Variants in IMMP2L observed in about 807,000 individuals in gnomAD.
The protein encoded by IMMP2L is mitochondrial inner membrane protease subunit 2.
Under a neutral mutation model 19.3 loss-of-function variants are expected in IMMP2L, and 18 were observed. The observed-to-expected ratio is 0.93, with a 90% CI of 0.64 to 1.38. The LOEUF (loss-of-function observed/expected upper bound fraction) is 1.38, where lower values mean the gene tolerates loss of function less well. Among genes scored for constraint, IMMP2L ranks in the 40% most tolerant of loss-of-function variants. The pLI, the probability that IMMP2L is intolerant of heterozygous loss-of-function variation, is 0.00. For missense variants in IMMP2L, 233 were observed against 218.2 expected (o/e 1.07, Z -0.43); for synonymous variants, 76 against 73.0 (o/e 1.04, Z -0.21).
chr7:111,548,760 G>A (rs1585641812), intron 1 of IMMP2L, among the ~76,000 whole-genome samples: 1 of 151,962 alleles, frequency 6.6e-6, no homozygotes, highest in Non-Finnish European at 1.5e-5. Context: ...CCTCCCTCAG[G>A]AATTTAACTT....
chr7:111,102,567 A>C (rs1245295167), intron 3 of IMMP2L, among the ~76,000 whole-genome samples: 17 of 151,600 alleles, frequency 1.1e-4, no homozygotes. Flanking sequence ...TAGCTGAAGC[A>C]TTATTTTGTT....
chr7:111,481,703 G>C (rs1842205399), intron 3 of IMMP2L, among the ~76,000 whole-genome samples: 2 of 151,632 alleles, frequency 1.3e-5, no homozygotes, highest in African/African-American at 4.9e-5. Flanking sequence ...CCTATCTTTA[G>C]AAGTCTACCT....
At chr7:110,668,039 C>T (rs932917323) in intron 5 of IMMP2L, among the ~76,000 whole-genome samples, 10 of 152,002 alleles carry the variant, frequency 6.6e-5, no homozygotes, top group African/African-American at 2.4e-4. Context: ...TCTTGTGCAC[C>T]TTGCTTTTAC....
intron 4 of IMMP2L, among the ~76,000 whole-genome samples, chr7:110,922,534 A>G (rs1814404614): frequency 6.6e-6 from 1 of 152,166 alleles, no homozygotes; most frequent in Admixed American, 6.6e-5. Context: ...TCCACTTGAC[A>G]TAATCATTTC....
chr7:110,714,987 T>G (rs757287898), intron 5 of IMMP2L, among the ~76,000 whole-genome samples: 18 of 152,194 alleles, frequency 1.2e-4, no homozygotes, highest in Non-Finnish European at 2.1e-4. Context: ...TCTTCCTGTT[T>G]TCAATTTCGG....
At chr7:111,514,757 C>T (rs1219939033) in intron 2 of IMMP2L, among the ~76,000 whole-genome samples, 2 of 151,974 alleles carry the variant, frequency 1.3e-5, no homozygotes, top group African/African-American at 4.8e-5. Flanking sequence ...ATCTGTAACC[C>T]TTCTACTTTT....
At chr7:110,914,759 A>G (rs933735880) in intron 4 of IMMP2L, among the ~76,000 whole-genome samples, 1 of 150,492 alleles carries the variant, frequency 6.6e-6, no homozygotes, top group Non-Finnish European at 1.5e-5. Flanking sequence ...TATGAGTTTA[A>G]TTTGGTACAA....
chr7:111,196,810 C>T (rs188920323), intron 3 of IMMP2L, among the ~76,000 whole-genome samples: 98 of 152,156 alleles, frequency 6.4e-4, no homozygotes, highest in Non-Finnish European at 6.8e-4. Flanking sequence ...TTTACGTAAA[C>T]GCTCTCATAC....
At chr7:110,844,433 A>G (rs1563018759) in intron 5 of IMMP2L, among the ~76,000 whole-genome samples, 1 of 152,032 alleles carries the variant, frequency 6.6e-6, no homozygotes. Flanking sequence ...GGAGTCATAG[A>G]AGAGTTCAGT....
At chr7:111,370,992 T>C (rs1830213888) in intron 3 of IMMP2L, among the ~76,000 whole-genome samples, 1 of 151,952 alleles carries the variant, frequency 6.6e-6, no homozygotes, top group Non-Finnish European at 1.5e-5. Flanking sequence ...CATCACTGTT[T>C]GAAAACTGAT....
intron 5 of IMMP2L, among the ~76,000 whole-genome samples, chr7:110,814,232 G>T (rs952047021): frequency 6.6e-6 from 1 of 151,876 alleles, no homozygotes; most frequent in East Asian, 1.9e-4. Context: ...TATGTCACAG[G>T]AATGGTGTAT....
chr7:111,102,817 G>T (rs370535424), intron 3 of IMMP2L, among the ~76,000 whole-genome samples: 5 of 151,460 alleles, frequency 3.3e-5, no homozygotes, highest in African/African-American at 1.2e-4. Flanking sequence ...CTTTGCTAGG[G>T]TCATAAAAGA....
chr7:111,373,428 A>G lies in IMMP2L; in HGVS notation c.239+113810T>C, dbSNP rs190059627. Among the ~76,000 whole-genome samples the G allele has an allele frequency of 7.2e-5, 11 of 152,140 alleles. No homozygotes were observed. The East Asian group carries it at 2.1e-3, about 29-fold the overall frequency. On this transcript the variant is annotated intron_variant, in intron 3 of 5. Transcript: ENST00000405709. ...TGAAATTGAGAAAAAACACTGAATA[A>G]AAGAGAGAAACCTGCTTTTCACTGC...
chr7:111,274,428 G>A (rs867563749), intron 3 of IMMP2L, among the ~76,000 whole-genome samples: 1 of 152,066 alleles, frequency 6.6e-6, no homozygotes, highest in South Asian at 2.1e-4. Context: ...TTGGGCTGAC[G>A]AATGTAGTCA....
chr7:111,494,233 G>C (rs944346810), intron 2 of IMMP2L, among the ~76,000 whole-genome samples: 1 of 152,128 alleles, frequency 6.6e-6, no homozygotes, highest in Non-Finnish European at 1.5e-5. Context: ...GTTTCCACCT[G>C]TATCTCCAAG....
chr7:111,472,912 A>G lies in IMMP2L; in HGVS notation c.239+14326T>C, dbSNP rs1306440954. On this transcript the variant is annotated intron_variant, in intron 3 of 5. Transcript: ENST00000405709. ...GGATTTCAAGACCAGCCTGGCCAAC[A>G]TGGCGAAACCAAGTCTCTACTAAAA... 2.6e-5 allele frequency among the ~76,000 whole-genome samples: 4 copies of G among 152,074 alleles called. No homozygotes were observed. The East Asian group carries it at 7.7e-4, about 29-fold the overall frequency.
At chr7:111,231,884 T>A (rs1813756421) in intron 3 of IMMP2L, among the ~76,000 whole-genome samples, 2 of 152,102 alleles carry the variant, frequency 1.3e-5, no homozygotes, top group East Asian at 1.9e-4. Context: ...GTATAATAAT[T>A]TTTTTCTATA....
At chr7:110,695,995 T>C (rs1022345593) in intron 5 of IMMP2L, among the ~76,000 whole-genome samples, 3 of 152,192 alleles carry the variant, frequency 2.0e-5, no homozygotes, top group Non-Finnish European at 4.4e-5. Context: ...TAAATGTACA[T>C]GTCAGGATCA....
At chr7:111,358,511 T>C (rs1584785189) in intron 3 of IMMP2L, among the ~76,000 whole-genome samples, 1 of 152,008 alleles carries the variant, frequency 6.6e-6, no homozygotes, top group Non-Finnish European at 1.5e-5. Context: ...CCATAATGCC[T>C]AAGCTCAATT....
Sources: gnomAD v4.1 joint callset for allele counts (sites outside exome capture counted in the v4.1 genomes callset) on GRCh38, gnomAD v4.1.1 for gene constraint, MANE v1.5 for transcripts, NCBI Gene and HGNC (gene_info 2026-07-23, HGNC 2026-07-21) for gene names.